YAE1: variants seen among roughly 807,000 people sequenced by gnomAD.
YAE1 encodes YAE1 maturation factor of ABCE1.
A neutral mutation model predicts 23.0 loss-of-function variants in YAE1; 22 were observed. That is an observed-to-expected ratio of 0.96 (90% CI 0.68 to 1.37). YAE1 has a LOEUF of 1.37. Ranked by LOEUF, YAE1 falls within the 40% of genes most tolerant of loss-of-function variation. The pLI is 0.00. For missense variants in YAE1, 260 were observed against 262.1 expected (o/e 0.99, Z 0.06); for synonymous variants, 101 against 97.0 (o/e 1.04, Z -0.24).
chr7:39,573,138 T>C (rs1328178972), downstream of YAE1, among the ~76,000 whole-genome samples: 1 of 152,096 alleles, frequency 6.6e-6, no homozygotes, highest in African/African-American at 2.4e-5. Context: ...CAGACAGATA[T>C]ATAGATATAG....
chr7:39,585,049 C>A (rs1054737520), intron 2 of YAE1, among the ~76,000 whole-genome samples: 2 of 152,158 alleles, frequency 1.3e-5, no homozygotes, highest in Non-Finnish European at 2.9e-5. Context: ...GAGCGAGTCT[C>A]CAGGTTGGCC....
rs1790800269 is a variant in YAE1, at chr7:39,585,373, G to A, written c.251+14746G>A. Among the ~76,000 whole-genome samples the A allele has an allele frequency of 2.6e-5, 4 of 152,120 alleles. No individual in the cohort carries two copies. The South Asian group carries it at 6.2e-4, about 24-fold the overall frequency. On this transcript the variant is annotated intron_variant, in intron 2 of 2. Transcript: ENST00000432096. ...AGTCTGACCAGTATCCTTATAAGAA[G>A]AGGAAATTTGGACACACAAAGAAAT...
intron 2 of YAE1, 51 bp downstream of exon 2, chr7:39,570,678 A>G: frequency 2.6e-6 from 4 of 1,543,434 alleles, no homozygotes; most frequent in Non-Finnish European, 3.5e-6. Context: ...ATACTACTGG[A>G]GGATGTTTCT....
At chr7:39,577,408 G>A (rs140643092), downstream of YAE1, among the ~76,000 whole-genome samples, 1,655 of 152,328 alleles carry the variant, frequency 0.011, 33 homozygotes, top group African/African-American at 0.037. Flanking sequence ...GGCCGAGGCC[G>A]GAACCGGCTC....
chr7:39,599,255 A>G (rs1285662192), intron 2 of YAE1, among the ~76,000 whole-genome samples: 1 of 151,758 alleles, frequency 6.6e-6, no homozygotes, highest in Admixed American at 6.6e-5. Flanking sequence ...TAATAATAAT[A>G]AATAAATAAA....
At chr7:39,569,010 TATATC>T (rs1425432230) in intron 1 of YAE1, among the ~76,000 whole-genome samples, 1 of 152,280 alleles carries the variant, frequency 6.6e-6, no homozygotes, top group Middle Eastern at 3.4e-3. Flanking sequence ...TGAGAAAAAT[TATATC>T]AAATGAGAAA....
intron 2 of YAE1, among the ~76,000 whole-genome samples, chr7:39,608,311 G>A (rs147954732): frequency 6.6e-6 from 1 of 152,218 alleles, no homozygotes; most frequent in East Asian, 1.9e-4. Context: ...TTAAAAATTG[G>A]GACAATACAC....
intron 2 of YAE1, among the ~76,000 whole-genome samples, chr7:39,598,692 G>A (rs370501046): frequency 8.0e-5 from 12 of 150,912 alleles, no homozygotes; most frequent in African/African-American, 2.2e-4. Context: ...CAGGAGGATC[G>A]CTTGAACCCA....
chr7:39,603,554 T>C (rs1791085553), intron 2 of YAE1, among the ~76,000 whole-genome samples: 2 of 152,172 alleles, frequency 1.3e-5, no homozygotes, highest in South Asian at 4.1e-4. Context: ...CCTGAAGATA[T>C]TAGCCTGGAG....
At chr7:39,603,100 A>G (rs561976194) in intron 2 of YAE1, among the ~76,000 whole-genome samples, 3 of 152,180 alleles carry the variant, frequency 2.0e-5, no homozygotes, top group Non-Finnish European at 4.4e-5. Context: ...AGTAAGACCC[A>G]AAGTAGATGG....
At chr7:39,580,640 C>T (rs951271623) in intron 2 of YAE1, among the ~76,000 whole-genome samples, 2 of 152,172 alleles carry the variant, frequency 1.3e-5, no homozygotes, top group Non-Finnish European at 2.9e-5. Context: ...GTGTTTCATT[C>T]CTTGGTAATG....
At chr7:39,602,177 TAAG>T (rs1285057740) in intron 2 of YAE1, among the ~76,000 whole-genome samples, 1 of 152,210 alleles carries the variant, frequency 6.6e-6, no homozygotes, top group Non-Finnish European at 1.5e-5. Flanking sequence ...AGAAAGAACA[TAAG>T]AAACTTAAGA....
At chr7:39,583,492 A>C (rs940009504) in intron 2 of YAE1, among the ~76,000 whole-genome samples, 1 of 152,248 alleles carries the variant, frequency 6.6e-6, no homozygotes, top group Non-Finnish European at 1.5e-5. Flanking sequence ...AGGACCTCAG[A>C]AAATTCTATG....
chr7:39,577,734 C>G (rs1248000764), downstream of YAE1, among the ~76,000 whole-genome samples: 2 of 152,240 alleles, frequency 1.3e-5, no homozygotes, highest in African/African-American at 4.8e-5. Context: ...GCACCACCCC[C>G]TGCTCTGCTG....
intron 1 of YAE1, 98 bp downstream of exon 1, chr7:39,566,645 C>A (rs1790473216): frequency 6.6e-7 from 1 of 1,526,144 alleles, no homozygotes; most frequent in Non-Finnish European, 8.8e-7. Flanking sequence ...TGGCCCGGCG[C>A]TGCTCTCTTT....
At chr7:39,569,526 G>A (rs2065402680) in intron 1 of YAE1, 1 of 497,078 alleles carries the variant, frequency 2.0e-6, no homozygotes, top group Non-Finnish European at 3.9e-6. Context: ...AGGTTGAGCA[G>A]ATTCTGATAA....
intron 2 of YAE1, among the ~76,000 whole-genome samples, chr7:39,589,935 G>A (rs571375001): frequency 3.3e-5 from 5 of 152,286 alleles, no homozygotes; most frequent in Admixed American, 2.0e-4. Flanking sequence ...ATGACTCACC[G>A]AAAGTCCCTT....
chr7:39,575,577 A>AGAGAGAGAGAGTGTGT (rs1173016799), downstream of YAE1, among the ~76,000 whole-genome samples: 34 of 80,270 alleles, frequency 4.2e-4, 1 homozygote, highest in East Asian at 5.9e-3. Flanking sequence ...AGAGAGAGAG[A>AGAGAGAGAGAGTGTGT]GTGAGTGTGT....
intron 2 of YAE1, among the ~76,000 whole-genome samples, chr7:39,579,766 G>A (rs1224108087): frequency 2.0e-5 from 3 of 152,042 alleles, no homozygotes; most frequent in Non-Finnish European, 2.9e-5. Context: ...GCCGAGCTAC[G>A]TGTCTATAGC....
Sources: gnomAD v4.1 joint callset for allele counts (sites outside exome capture counted in the v4.1 genomes callset) on GRCh38, gnomAD v4.1.1 for gene constraint, MANE v1.5 for transcripts, NCBI Gene and HGNC (gene_info 2026-07-23, HGNC 2026-07-21) for gene names.